The following XRCC2 variants were observed in gnomAD, a reference collection of about 807,000 sequenced individuals.
XRCC2 encodes X-ray repair cross complementing 2, also known as DNA repair protein XRCC2.
Under a neutral mutation model 27.3 loss-of-function variants are expected in XRCC2, and 24 were observed. The observed-to-expected ratio is 0.88, with a 90% CI of 0.64 to 1.24. XRCC2 has a LOEUF of 1.24. Among genes scored for constraint, XRCC2 ranks in the 50% most tolerant of loss-of-function variants. The probability of loss-of-function intolerance (pLI) is 0.00; values close to 1 mark genes in which losing one functional copy is unlikely to be tolerated. For missense variants in XRCC2, 321 were observed against 325.8 expected (o/e 0.99, Z 0.11); for synonymous variants, 106 against 115.4 (o/e 0.92, Z 0.52).
At chr7:152,650,882 G>A (rs866613088) in intron 2 of XRCC2, among the ~76,000 whole-genome samples, 4 of 151,934 alleles carry the variant, frequency 2.6e-5, no homozygotes, top group Non-Finnish European at 4.4e-5. Context: ...GCGAAACTCC[G>A]TCTCAAAAAA....
chr7:152,645,516 T>C lies in XRCC2; in HGVS notation c.*3126A>G, dbSNP rs2098025387. ...TTAATTCTAATAATCTGCTTATAGA[T>C]GATATTGGATTTCCATACATACAAT... On this transcript the variant is annotated 3_prime_UTR_variant, in exon 3 of 3. Coordinates refer to ENST00000359321, the MANE Select transcript of XRCC2 (RefSeq NM_005431.2). The C allele has an allele frequency of 6.6e-6, 1 of 152,218 alleles. No individual in the cohort carries two copies. Among genetic ancestry groups the C allele is most frequent in the Admixed American group, 6.6e-5 (1 of 15,266 alleles). 9.4% of individuals were successfully genotyped at this position (152,218 alleles called of 1,614,324 possible).
intron 1 of XRCC2, 76 bp from the exon 2 acceptor site, chr7:152,660,858 C>T: frequency 7.7e-7 from 1 of 1,299,164 alleles, no homozygotes; most frequent in Non-Finnish European, 1.1e-6. Flanking sequence ...ATACCATTTT[C>T]CGAAAGTCTG....
chr7:152,649,402 C>T, intron 2 of XRCC2, 39 bp from the exon 3 acceptor site: 2 of 1,515,842 alleles, frequency 1.3e-6, no homozygotes, highest in South Asian at 1.4e-5. Context: ...AATGCAGTAG[C>T]TCAAGGGTAG....
rs3218470 is a variant in XRCC2, at chr7:152,660,986, T to C, written c.40-204A>G. 1.5e-3 allele frequency among the ~76,000 whole-genome samples: 231 copies of C among 152,220 alleles called. 1 individual carries two copies. Among genetic ancestry groups the C allele is most frequent in the African/African-American group, 5.1e-3 (213 of 41,536 alleles). ...TTTCAGACCAGCCTGGGCGACATGG[T>C]GAAACCTGACTCTACAAAAAATACA... On this transcript the variant is annotated intron_variant, in intron 1 of 2. Transcript: ENST00000359321.
Position 152,649,288 on chromosome 7 carries a change from A to T in XRCC2, c.197T>A (p.Ile66Lys). 1 of 1,613,566 alleles carries T rather than the reference A, an allele frequency of 6.2e-7. No individual in the cohort carries two copies. Among genetic ancestry groups the T allele is most frequent in the Non-Finnish European group, 8.5e-7 (1 of 1,180,034 alleles). Residue 66 changes from isoleucine (I) to lysine (K), a missense_variant, in exon 3 of 3, where the codon ATA (isoleucine) becomes AAA (lysine). Physicochemically the swap from Ile to Lys is moderately radical, Grantham distance 102. Transcript: ENST00000359321. Reference protein sequence around the residue: ...EMLYHLTARCILPKSEGGLEV... With the variant: ...EMLYHLTARCKLPKSEGGLEV... ...CAGGCCACCTTCTGATTTGGGAAGTATACATCGTGCTGTTAGGTGATAAAG... is the reference window on the plus strand; with the variant it reads ...CAGGCCACCTTCTGATTTGGGAAGTTTACATCGTGCTGTTAGGTGATAAAG...
At chr7:152,649,619 A>G (rs1554410605) in intron 2 of XRCC2, among the ~76,000 whole-genome samples, 2 of 152,216 alleles carry the variant, frequency 1.3e-5, no homozygotes, top group Admixed American at 6.5e-5. Context: ...TGTAAGATTC[A>G]AAAATAAAGA....
At position 152,648,344 on chromosome 7, in the gene XRCC2, C is replaced by G. The variant is rs2098026920; in HGVS notation, c.*298G>C. 1 of 198,902 alleles carries G rather than the reference C, an allele frequency of 5.0e-6. No individual in the cohort carries two copies. The highest frequency in any genetic ancestry group is 2.3e-5 in the African/African-American group (1 of 43,154). The allele number at this position is 198,902 out of a possible 1,614,324, so 12.3% of individuals were successfully genotyped here. ...ATCACTTGAACCCAAGAGGCAGAGGCTGCAGCGGGCCGAGATTGTGCCACT... is the reference window on the plus strand; with the variant it reads ...ATCACTTGAACCCAAGAGGCAGAGGGTGCAGCGGGCCGAGATTGTGCCACT... On this transcript the variant is annotated 3_prime_UTR_variant, in exon 3 of 3. Coordinates refer to ENST00000359321, the MANE Select transcript of XRCC2 (RefSeq NM_005431.2).
At chr7:152,663,850 C>G (rs911881340) in intron 1 of XRCC2, 3 of 152,450 alleles carry the variant, frequency 2.0e-5, no homozygotes, top group African/African-American at 4.8e-5. Flanking sequence ...CTGCCCCCCC[C>G]CCCCAAAAAT....
At chr7:152,675,128 GTCCCTCAC>G (rs2098040356) in intron 1 of XRCC2, among the ~76,000 whole-genome samples, 1 of 152,034 alleles carries the variant, frequency 6.6e-6, no homozygotes, top group Admixed American at 6.6e-5. Context: ...CCAACCTATT[GTCCCTCAC>G]TCCCTTTGTT....
rs2098035868 is a variant in XRCC2, at chr7:152,666,659, C to T, written c.40-5877G>A. 2.6e-5 allele frequency among the ~76,000 whole-genome samples: 4 copies of T among 151,110 alleles called. No homozygotes were observed. In the South Asian group the frequency reaches 8.4e-4, roughly 32 times the overall value. ...TTGAGACAGAGTCTCGCTTTGTCAC[C>T]AAGGCTGGAGTGCAGTGGCACAAGT... On this transcript the variant is annotated intron_variant, in intron 1 of 2. Coordinates refer to ENST00000359321, the MANE Select transcript of XRCC2 (RefSeq NM_005431.2).
chr7:152,658,567 A>C (rs1208533518), intron 2 of XRCC2, among the ~76,000 whole-genome samples: 1 of 152,226 alleles, frequency 6.6e-6, no homozygotes, highest in Non-Finnish European at 1.5e-5. Flanking sequence ...CCCATTTTGC[A>C]CCCATTAAAC....
intron 1 of XRCC2, among the ~76,000 whole-genome samples, chr7:152,671,784 G>A (rs1282578411): frequency 6.6e-6 from 1 of 152,172 alleles, no homozygotes; most frequent in African/African-American, 2.4e-5. Flanking sequence ...GCTCATGCCT[G>A]TAATCTCAAC....
At chr7:152,672,163 G>A (rs1395320977) in intron 1 of XRCC2, among the ~76,000 whole-genome samples, 1 of 152,184 alleles carries the variant, frequency 6.6e-6, no homozygotes, top group African/African-American at 2.4e-5. Flanking sequence ...TAGGTAAATA[G>A]CTTAGAGGTG....
At chr7:152,649,961 C>T (rs1295399575) in intron 2 of XRCC2, among the ~76,000 whole-genome samples, 3 of 152,092 alleles carry the variant, frequency 2.0e-5, no homozygotes, top group South Asian at 2.1e-4. Flanking sequence ...AGGATGGTGG[C>T]GTGGAAGACA....
chr7:152,673,915 C>A (rs2117011585), intron 1 of XRCC2, among the ~76,000 whole-genome samples: 1 of 152,182 alleles, frequency 6.6e-6, no homozygotes, highest in Non-Finnish European at 1.5e-5. Flanking sequence ...ATTTCAGTTT[C>A]TTGGGTTAGC....
intron 1 of XRCC2, among the ~76,000 whole-genome samples, chr7:152,661,640 G>C (rs1010536083): frequency 6.6e-6 from 1 of 152,154 alleles, no homozygotes; most frequent in Non-Finnish European, 1.5e-5. Flanking sequence ...GAGCAGCTTT[G>C]AACTCCTAGA....
chr7:152,651,279 T>G (rs2098028437), intron 2 of XRCC2, among the ~76,000 whole-genome samples: 1 of 152,014 alleles, frequency 6.6e-6, no homozygotes, highest in African/African-American at 2.4e-5. Context: ...TATTGGAGTA[T>G]TCACAAATAA....
chr7:152,666,018 TA>T (rs1356707431), intron 1 of XRCC2, among the ~76,000 whole-genome samples: 1 of 152,130 alleles, frequency 6.6e-6, no homozygotes, highest in Non-Finnish European at 1.5e-5. Context: ...AGCCAGATAT[TA>T]AAAAGATTTG....
Position 152,645,049 on chromosome 7 carries a change from C to T in XRCC2, c.*3593G>A, listed in dbSNP as rs1467943360. The T allele has an allele frequency of 6.6e-6, 1 of 152,024 alleles. No individual in the cohort carries two copies. The highest frequency in any genetic ancestry group is 1.9e-4 in the East Asian group (1 of 5,200). The allele number at this position is 152,024 out of a possible 1,614,324, so 9.4% of individuals were successfully genotyped here. A position where few individuals can be genotyped will look rare whatever the true frequency, so the allele number is the denominator to read the frequency against. ...TCACATTGAAAATCAGTAAGATTTG[C>T]TTCAGCCTCCAAGAGTGTGTTTACG... On this transcript the variant is annotated 3_prime_UTR_variant, in exon 3 of 3. Transcript: ENST00000359321.
Sources: allele counts gnomAD v4.1 joint callset (sites outside exome capture counted in the v4.1 genomes callset), GRCh38; gene constraint gnomAD v4.1.1; transcripts MANE v1.5; gene names NCBI Gene and HGNC (gene_info 2026-07-23, HGNC 2026-07-21).